The following CDH13 variants were observed in gnomAD, a reference collection of about 807,000 sequenced individuals.
The protein encoded by CDH13 is cadherin 13.
In CDH13, 24 loss-of-function variants were observed where a neutral mutation model predicts 63.8. The observed-to-expected ratio is 0.38, with a 90% CI of 0.27 to 0.53. The LOEUF (loss-of-function observed/expected upper bound fraction) is 0.53. Among genes scored for constraint, CDH13 ranks in the 20% least tolerant of loss-of-function variants. The probability of loss-of-function intolerance (pLI) is 0.85; values close to 1 mark genes in which losing one functional copy is unlikely to be tolerated. For synonymous variants in CDH13, 503 were observed against 355.3 expected (o/e 1.42, Z -4.67); for missense variants, 1,049 against 903.1 (o/e 1.16, Z -2.07).
chr16:83,724,463 G>A (rs543477961), intron 10 of CDH13, among the ~76,000 whole-genome samples: 6 of 152,204 alleles, frequency 3.9e-5, no homozygotes, highest in Middle Eastern at 3.4e-3. Context: ...ATGGGTGGAT[G>A]ATGAATGCAT....
intron 7 of CDH13, among the ~76,000 whole-genome samples, chr16:83,520,759 G>A (rs1033090923): frequency 6.6e-6 from 1 of 152,150 alleles, no homozygotes; most frequent in African/African-American, 2.4e-5. Flanking sequence ...ACAGGACGTG[G>A]CTAGCTTTTC....
intron 5 of CDH13, among the ~76,000 whole-genome samples, chr16:83,315,641 T>TA (rs11420080): frequency 0.3 from 44,247 of 147,202 alleles, 6,615 homozygotes; most frequent in East Asian, 0.5. Context: ...ACTCTGGATT[T>TA]AAAAAAAAAA....
intron 6 of CDH13, among the ~76,000 whole-genome samples, chr16:83,449,701 G>A (rs1008132600): frequency 1.3e-5 from 2 of 152,098 alleles, no homozygotes; most frequent in Non-Finnish European, 2.9e-5. Context: ...GCCAAATGAT[G>A]GTTTCAAGTC....
chr16:83,365,038 C>G (rs113440209), intron 6 of CDH13, among the ~76,000 whole-genome samples: 13,752 of 152,192 alleles, frequency 0.09, 829 homozygotes, highest in Non-Finnish European at 0.13. Context: ...ATGTAATAAA[C>G]CTACACGTTC....
intron 1 of CDH13, among the ~76,000 whole-genome samples, chr16:82,682,740 G>C (rs77184973): frequency 6.6e-6 from 1 of 152,172 alleles, no homozygotes; most frequent in Non-Finnish European, 1.5e-5. Flanking sequence ...TAATTAATTA[G>C]GAAACGGATG....
chr16:83,200,735 C>T (rs1412020333), intron 4 of CDH13, among the ~76,000 whole-genome samples: 2 of 152,132 alleles, frequency 1.3e-5, no homozygotes, highest in South Asian at 2.1e-4. Flanking sequence ...AAAAACTTTG[C>T]CAAAGCATTT....
chr16:82,951,422 A>C (rs1905280728), intron 2 of CDH13, among the ~76,000 whole-genome samples: 2 of 152,210 alleles, frequency 1.3e-5, no homozygotes, highest in South Asian at 2.1e-4. Flanking sequence ...AGCTATTGGC[A>C]TGGGTAAGAC....
At chr16:83,102,998 G>A (rs2034574695) in intron 3 of CDH13, among the ~76,000 whole-genome samples, 1 of 109,550 alleles carries the variant, frequency 9.1e-6, no homozygotes, top group South Asian at 2.8e-4. Context: ...TGTCACCCAG[G>A]TTGGAGTGCA....
intron 13 of CDH13, chr16:83,789,871 C>T (rs894275740): frequency 5.3e-5 from 8 of 152,200 alleles, no homozygotes; most frequent in Middle Eastern, 3.4e-3. Context: ...TGTGCCCGTT[C>T]TCTGCTGCAG....
chr16:83,621,878 A>G (rs1341095914), intron 8 of CDH13, among the ~76,000 whole-genome samples: 1 of 152,086 alleles, frequency 6.6e-6, no homozygotes, highest in African/African-American at 2.4e-5. Context: ...TCCTGGGTTC[A>G]TTAGGATAAG....
intron 5 of CDH13, among the ~76,000 whole-genome samples, chr16:83,308,158 A>G (rs1380417130): frequency 6.6e-6 from 1 of 151,944 alleles, no homozygotes; most frequent in Non-Finnish European, 1.5e-5. Context: ...TATTCAATAT[A>G]TTTTTTTTGT....
intron 1 of CDH13, among the ~76,000 whole-genome samples, chr16:82,785,432 A>G (rs916534119): frequency 2.0e-5 from 3 of 152,186 alleles, no homozygotes; most frequent in East Asian, 3.9e-4. Context: ...TTCACCCTCA[A>G]TGTGCACTTC....
chr16:83,057,390 T>C (rs73596271), intron 3 of CDH13, among the ~76,000 whole-genome samples: 4,714 of 152,286 alleles, frequency 0.031, 248 homozygotes, highest in African/African-American at 0.11. Flanking sequence ...TGTCTTCATC[T>C]TTATGGTGGT....
intron 2 of CDH13, among the ~76,000 whole-genome samples, chr16:82,892,893 T>C (rs1283857156): frequency 6.6e-6 from 1 of 152,216 alleles, no homozygotes; most frequent in Non-Finnish European, 1.5e-5. Flanking sequence ...TTTTCATAGA[T>C]ATTGAATTTA....
intron 2 of CDH13, among the ~76,000 whole-genome samples, chr16:83,000,093 A>G (rs1390084101): frequency 6.6e-6 from 1 of 152,118 alleles, no homozygotes; most frequent in Admixed American, 6.5e-5. Flanking sequence ...ACCCTGGTCT[A>G]TACAGGGTGG....
At chr16:83,141,319 A>G (rs1371978059) in intron 4 of CDH13, among the ~76,000 whole-genome samples, 4 of 152,126 alleles carry the variant, frequency 2.6e-5, no homozygotes, top group Non-Finnish European at 2.9e-5. Flanking sequence ...CTGAGCCTTC[A>G]TTGTCCTAGG....
In CDH13 at chr16:83,265,293, T is replaced by C. The variant is rs569390930; in HGVS notation, c.636+47796T>C. ...CTGAGTCTCCTCTTTCCCAAATCCT[T>C]TCTCTTTTTCCTTCCTGGTTAACCT... is the stretch of plus-strand genomic sequence containing the variant. On this transcript the variant is annotated intron_variant, in intron 5 of 13. Coordinates refer to ENST00000567109, the MANE Select transcript of CDH13 (RefSeq NM_001257.5). 3.3e-5 allele frequency among the ~76,000 whole-genome samples: 5 copies of C among 152,182 alleles called. No homozygotes were observed. In the South Asian group the frequency reaches 1.0e-3, roughly 31 times the overall value.
At chr16:82,760,145 C>G (rs539023063) in intron 1 of CDH13, among the ~76,000 whole-genome samples, 1 of 152,230 alleles carries the variant, frequency 6.6e-6, no homozygotes, top group South Asian at 2.1e-4. Flanking sequence ...CAAATATTTT[C>G]CAGAACACCT....
At chr16:82,675,519 C>T (rs1448655450) in intron 1 of CDH13, among the ~76,000 whole-genome samples, 3 of 152,182 alleles carry the variant, frequency 2.0e-5, no homozygotes, top group Non-Finnish European at 4.4e-5. Context: ...AATTTGACTC[C>T]TTGGCCCAGC....
Sources: gnomAD v4.1 joint callset for allele counts (sites outside exome capture counted in the v4.1 genomes callset) on GRCh38, gnomAD v4.1.1 for gene constraint, MANE v1.5 for transcripts, NCBI Gene and HGNC (gene_info 2026-07-23, HGNC 2026-07-21) for gene names.